FAM184A: variants seen among roughly 807,000 people sequenced by gnomAD.
FAM184A encodes the protein family with sequence similarity 184 member A, also known as protein FAM184A.
Under a neutral mutation model 143.8 loss-of-function variants are expected in FAM184A, and 99 were observed. That is an observed-to-expected ratio of 0.69 (90% CI 0.58 to 0.81). The LOEUF (loss-of-function observed/expected upper bound fraction) is 0.81, where lower values mean the gene tolerates loss of function less well. Ranked by LOEUF, FAM184A falls within the 40% of genes least tolerant of loss-of-function variation. FAM184A has a pLI of 0.00. For synonymous variants in FAM184A, 427 were observed against 446.4 expected, an observed-to-expected ratio of 0.96 and a Z score of 0.55; for missense variants, 1,217 against 1,310.5, an observed-to-expected ratio of 0.93 and a Z score of 1.10.
At chr6:119,065,458 A>G (rs1787414173) in intron 1 of FAM184A, among the ~76,000 whole-genome samples, 1 of 152,230 alleles carries the variant, frequency 6.6e-6, no homozygotes, top group Admixed American at 6.5e-5. Context: ...CAGATAATAA[A>G]CACTTGCTGT....
intron 1 of FAM184A, among the ~76,000 whole-genome samples, chr6:119,061,471 T>A (rs1201603969): frequency 1.3e-5 from 2 of 149,944 alleles, no homozygotes; most frequent in Non-Finnish European, 3.0e-5. Context: ...TCCTCCTGCC[T>A]CAGCCTCCTA....
At chr6:118,965,048 G>A (rs1783455269) in intron 15 of FAM184A, among the ~76,000 whole-genome samples, 1 of 152,166 alleles carries the variant, frequency 6.6e-6, no homozygotes, top group Non-Finnish European at 1.5e-5. Flanking sequence ...TCACAGGGCT[G>A]ACTATGCAGT....
At chr6:118,962,330 T>G (rs149917748) in intron 16 of FAM184A, 1 of 186,190 alleles carries the variant, frequency 5.4e-6, no homozygotes, top group Non-Finnish European at 1.1e-5. Context: ...GAAGGTTAAA[T>G]GGATTTAGGC....
intron 1 of FAM184A, among the ~76,000 whole-genome samples, chr6:119,127,052 G>A (rs1038736881): frequency 6.6e-6 from 1 of 152,184 alleles, no homozygotes; most frequent in Non-Finnish European, 1.5e-5. Context: ...ATGAGTGCAG[G>A]ATGGTGGGTG....
chr6:119,003,064 C>T lies in FAM184A; in HGVS notation c.1938-15G>A. The T allele has an allele frequency of 1.3e-6, 2 of 1,582,750 alleles. No individual in the cohort carries two copies. On this transcript the variant is annotated splice_polypyrimidine_tract_variant and intron_variant, in intron 8 of 17. Coordinates refer to ENST00000338891, the MANE Select transcript of FAM184A (RefSeq NM_024581.6). ...AACACTCTTGTCTAAAATAAAACAA[C>T]TGCATTTACTTTGTAAAGAGAATTA...
In FAM184A at chr6:119,006,432, G is replaced by T; in HGVS notation, c.1815+15C>A. 1 of 1,605,460 alleles carries T rather than the reference G, an allele frequency of 6.2e-7. No homozygotes were observed. Among genetic ancestry groups the T allele is most frequent in the Non-Finnish European group, 8.5e-7 (1 of 1,176,636 alleles). On this transcript the variant is annotated intron_variant, in intron 7 of 17. Coordinates refer to ENST00000338891, the MANE Select transcript of FAM184A (RefSeq NM_024581.6). ...TTTTGCCGCTGTTTAGATTGCAGTA[G>T]AATTATGAAATTACCTCCACATTTA...
intron 1 of FAM184A, among the ~76,000 whole-genome samples, chr6:119,063,286 T>A (rs990219146): frequency 2.6e-5 from 4 of 152,242 alleles, no homozygotes; most frequent in African/African-American, 9.6e-5. Context: ...ATTTGTTAAA[T>A]ATCTGTGTTT....
chr6:119,016,528 T>C (rs1329755978), intron 5 of FAM184A, among the ~76,000 whole-genome samples: 3 of 151,608 alleles, frequency 2.0e-5, no homozygotes, highest in Non-Finnish European at 4.4e-5. Flanking sequence ...CCTGAGCCAG[T>C]GAGACCACCA....
intron 1 of FAM184A, among the ~76,000 whole-genome samples, chr6:119,085,831 AG>A (rs1169555615): frequency 6.6e-6 from 1 of 152,188 alleles, no homozygotes; most frequent in Non-Finnish European, 1.5e-5. Flanking sequence ...AGGAGGGTGA[AG>A]GGGAAGCAAA....
At chr6:118,967,477 A>G (rs1001998946) in intron 14 of FAM184A, among the ~76,000 whole-genome samples, 19 of 152,180 alleles carry the variant, frequency 1.2e-4, no homozygotes, top group Non-Finnish European at 2.6e-4. Context: ...AAAGTTTAAA[A>G]ATTCTATATT....
intron 1 of FAM184A, among the ~76,000 whole-genome samples, chr6:119,027,543 A>C (rs1032571378): frequency 2.0e-5 from 3 of 152,210 alleles, no homozygotes; most frequent in Admixed American, 2.0e-4. Context: ...ACCCCCAAAC[A>C]TGGAAATAAA....
In FAM184A at chr6:118,974,435, G is replaced by A. The variant is rs750107382; in HGVS notation, c.2908C>T (p.Gln970Ter). 1 of 1,607,946 alleles carries A rather than the reference G, an allele frequency of 6.2e-7. No individual in the cohort carries two copies. The highest frequency in any genetic ancestry group is 8.5e-7 in the Non-Finnish European group (1 of 1,177,390). ...TTATATAATATGACTTACGACACTT[G>A]TAAAGCGGCATTTATTTCCTTGAGT... ...ELLKEINAAL[Q>*]VSLEEMEEKY... is the part of the protein sequence containing the mutation. Residue 970 changes from glutamine to a stop codon, truncating the protein, a stop_gained, in exon 14 of 18, where the codon CAA (glutamine) becomes TAA (stop). Coordinates refer to ENST00000338891, the MANE Select transcript of FAM184A (RefSeq NM_024581.6). LOFTEE classifies it high-confidence loss of function.
chr6:119,098,108 T>C (rs1181094779), intron 1 of FAM184A, among the ~76,000 whole-genome samples: 1 of 152,148 alleles, frequency 6.6e-6, no homozygotes, highest in African/African-American at 2.4e-5. Flanking sequence ...GAGAGATAAT[T>C]GAATCATGGG....
chr6:119,013,192 C>T (rs543465329), intron 5 of FAM184A, among the ~76,000 whole-genome samples: 3 of 152,110 alleles, frequency 2.0e-5, no homozygotes, highest in South Asian at 2.1e-4. Context: ...ATCTGTCTTA[C>T]GGCAACCATG....
At chr6:118,977,674 T>C (rs970981910) in intron 11 of FAM184A, among the ~76,000 whole-genome samples, 3 of 152,164 alleles carry the variant, frequency 2.0e-5, no homozygotes, top group Non-Finnish European at 4.4e-5. Flanking sequence ...AGGGTAATGG[T>C]TGCCAGGTGT....
chr6:119,127,986 G>A (rs1789419279), intron 1 of FAM184A, among the ~76,000 whole-genome samples: 2 of 152,194 alleles, frequency 1.3e-5, no homozygotes, highest in East Asian at 3.8e-4. Context: ...TGGCCCAGGA[G>A]ATCCCAAAGA....
chr6:119,052,048 C>T (rs983942979), intron 1 of FAM184A, among the ~76,000 whole-genome samples: 9 of 152,126 alleles, frequency 5.9e-5, no homozygotes, highest in Non-Finnish European at 1.2e-4. Flanking sequence ...TCCTGAGGTA[C>T]GACTGCAGTC....
chr6:119,088,047 G>C (rs1474210071), intron 1 of FAM184A, among the ~76,000 whole-genome samples: 1 of 152,160 alleles, frequency 6.6e-6, no homozygotes, highest in Admixed American at 6.5e-5. Flanking sequence ...CAAATTCATA[G>C]AGACAGAAAG....
At chr6:119,009,795 CTGACT>C (rs1187026032) in intron 6 of FAM184A, among the ~76,000 whole-genome samples, 2 of 152,178 alleles carry the variant, frequency 1.3e-5, no homozygotes, top group Middle Eastern at 3.2e-3. Flanking sequence ...CCATGTCTGA[CTGACT>C]TATCACTGAA....
Sources: allele counts gnomAD v4.1 joint callset (sites outside exome capture counted in the v4.1 genomes callset), GRCh38; gene constraint gnomAD v4.1.1; transcripts MANE v1.5; gene names NCBI Gene and HGNC (gene_info 2026-07-23, HGNC 2026-07-21).